ADAMTS13: variants seen among roughly 807,000 people sequenced by gnomAD.
The protein encoded by ADAMTS13 is ADAM metallopeptidase with thrombospondin type 1 motif 13.
Under a neutral mutation model 155.1 loss-of-function variants are expected in ADAMTS13, and 110 were observed. That is an observed-to-expected ratio of 0.71 (90% CI 0.61 to 0.83). The LOEUF is 0.83. Among genes scored for constraint, ADAMTS13 ranks in the 40% least tolerant of loss-of-function variants. The pLI is 0.00. For missense variants in ADAMTS13, 1,707 were observed against 1,891.7 expected, an observed-to-expected ratio of 0.90 and a Z score of 1.81; for synonymous variants, 758 against 756.4, an observed-to-expected ratio of 1.00 and a Z score of -0.03.
At chr9:133,443,343 G>A in intron 18 of ADAMTS13, 33 bp from the exon 19 acceptor site, 1 of 1,573,632 alleles carries the variant, frequency 6.4e-7, no homozygotes, top group African/African-American at 1.3e-5. Context: ...CTGGGACCTG[G>A]CCAGGGTCCC....
chr9:133,442,278 G>A, intron 16 of ADAMTS13, 121 bp from the exon 17 acceptor site: 1 of 1,510,188 alleles, frequency 6.6e-7, no homozygotes, highest in South Asian at 1.1e-5. Context: ...GCCAGTGATT[G>A]CTTGCTGAAC....
rs917500683 is a variant in ADAMTS13 at position 133,428,811 on chromosome 9, C to G, written c.824+40C>G. On this transcript the variant is annotated intron_variant, in intron 7 of 28. Coordinates refer to ENST00000355699, the MANE Select transcript of ADAMTS13 (RefSeq NM_139027.6). ...GTGGGAGGGGCGCGCGAGCCTCCAG[C>G]CAGCCCGCTGGGCCGCCAGCGCCAC... 3.2e-5 allele frequency: 40 copies of G among 1,257,634 alleles called. No individual in the cohort carries two copies. The East Asian group carries it at 1.2e-3, about 38-fold the overall frequency. 77.9% of individuals were successfully genotyped at this position (1,257,634 alleles called of 1,614,324 possible).
At chr9:133,423,845 C>T (rs979176546) in intron 2 of ADAMTS13, among the ~76,000 whole-genome samples, 1 of 152,262 alleles carries the variant, frequency 6.6e-6, no homozygotes, top group Non-Finnish European at 1.5e-5. Context: ...GTCCTTCCAG[C>T]GCTGCCGCTC....
upstream of ADAMTS13, chr9:133,418,048 T>C: frequency 1.7e-6 from 1 of 583,072 alleles, no homozygotes; most frequent in Non-Finnish European, 3.0e-6. Context: ...GAAGCGCTCG[T>C]CTCTCCACAA....
At chr9:133,450,433 TG>T (rs995792427) in intron 23 of ADAMTS13, among the ~76,000 whole-genome samples, 6 of 151,988 alleles carry the variant, frequency 3.9e-5, no homozygotes, top group African/African-American at 1.4e-4. Context: ...CCGGGTGTGG[TG>T]GTACATGCCT....
In ADAMTS13 at chr9:133,456,648, G is replaced by A. The variant is rs782467873; in HGVS notation, c.3653G>A (p.Arg1218His). 6.2e-6 allele frequency: 10 copies of A among 1,605,604 alleles called. No individual in the cohort carries two copies. The highest frequency in any genetic ancestry group is 3.3e-5 in the South Asian group (3 of 89,690). The change falls in exon 27 of 29, where the codon CGC (arginine) becomes CAC (histidine). Residue 1218 changes from arginine to histidine, a missense_variant. Around this residue, in one of 3 missense-constraint regions of ADAMTS13, gnomAD observed 961 missense variants for 1,107.9 expected, o/e 0.87. Coordinates refer to ENST00000355699, the MANE Select transcript of ADAMTS13 (RefSeq NM_139027.6). The surrounding 1 kb of genome is among the most constrained non-coding windows in gnomAD (Gnocchi z 4.4). ...ACCAACACGCTGGTGGTGAGGCAGCGCTGCGGGCGGCCAGGAGGTGGGGTG... is the reference window on the plus strand; with the variant it reads ...ACCAACACGCTGGTGGTGAGGCAGCACTGCGGGCGGCCAGGAGGTGGGGTG... ...SKTNTLVVRQ[R>H]CGRPGGGVLL...
rs782483941 is a variant in ADAMTS13, at chr9:133,424,445, C to G, written c.297C>G (p.Asp99Glu). ...ATGTCTTCCAGGCTCACCAGGAGGA[C>G]ACAGAGCGCTATGTGCTCACCAACC... ...GPDVFQAHQE[D>E]TERYVLTNLN... Residue 99 changes from aspartate to glutamate, a missense_variant, in exon 3 of 29, where the codon GAC (aspartate) becomes GAG (glutamate). Asp to Glu is a conservative substitution (Grantham distance 45). This residue lies in a region of ADAMTS13 where 733 missense variants were observed against 749.6 expected (regional missense o/e 0.98). Transcript: ENST00000355699. This position sits in a 1 kb window ranked among gnomAD's most constrained non-coding sequence, Gnocchi z 4.3. The G allele has an allele frequency of 6.2e-7, 1 of 1,613,878 alleles. No homozygotes were observed. Among genetic ancestry groups the G allele is most frequent in the South Asian group, 1.1e-5 (1 of 91,076 alleles).
upstream of ADAMTS13, chr9:133,417,822 G>T: frequency 6.2e-7 from 1 of 1,603,302 alleles, no homozygotes; most frequent in Non-Finnish European, 8.5e-7. Context: ...GCGCTTGGAG[G>T]CGGGGACCTT....
intron 8 of ADAMTS13, among the ~76,000 whole-genome samples, chr9:133,432,099 G>T (rs2130817655): frequency 6.6e-6 from 1 of 152,180 alleles, no homozygotes; most frequent in East Asian, 1.9e-4. Flanking sequence ...TGCCATCTGT[G>T]CTAAAAATAC....
chr9:133,441,846 C>T lies in ADAMTS13; in HGVS notation c.1969-553C>T, dbSNP rs1176842170. On this transcript the variant is annotated intron_variant, in intron 16 of 28. Coordinates refer to ENST00000355699, the MANE Select transcript of ADAMTS13 (RefSeq NM_139027.6). This position sits in a 1 kb window ranked among gnomAD's most constrained non-coding sequence, Gnocchi z 5.0. ...CTCCAGAAGCACTTTCTGTGCTGGC[C>T]CTGCCCTAGCCCTTCTTGGGCTCCT... Among the ~76,000 whole-genome samples, 1 of 152,220 alleles carries T rather than the reference C, an allele frequency of 6.6e-6. No homozygotes were observed. Among genetic ancestry groups the T allele is most frequent in the Non-Finnish European group, 1.5e-5 (1 of 68,042 alleles).
chr9:133,446,517 T>C (rs1160829447), intron 21 of ADAMTS13, among the ~76,000 whole-genome samples: 2 of 152,262 alleles, frequency 1.3e-5, no homozygotes, highest in South Asian at 2.1e-4. Flanking sequence ...TGTTTCCTTC[T>C]TAAGGCTGAA....
At chr9:133,431,314 G>A (rs982409701) in intron 8 of ADAMTS13, among the ~76,000 whole-genome samples, 4 of 148,090 alleles carry the variant, frequency 2.7e-5, no homozygotes, top group African/African-American at 1.0e-4. Flanking sequence ...TTTTGACCTG[G>A]AAGTTCATTT....
Position 133,440,435 on chromosome 9 carries a change from C to A in ADAMTS13, c.1878C>A (p.Val626=). The A allele has an allele frequency of 6.2e-7, 1 of 1,613,784 alleles. No individual in the cohort carries two copies. Among genetic ancestry groups the A allele is most frequent in the Non-Finnish European group, 8.5e-7 (1 of 1,179,980 alleles). Residue 626 remains valine (V), a synonymous_variant, in exon 16 of 29, where the codon GTC becomes GTA. Transcript: ENST00000355699. This position sits in a 1 kb window ranked among gnomAD's most constrained non-coding sequence, Gnocchi z 4.3. The part of the protein sequence containing the change: ...TYPSLLEDGR[V]EYRVALTEDR... ...CCTCCCTCCTGGAGGATGGTCGTGT[C>A]GAGTACAGAGTGGCCCTCACCGAGG...
chr9:133,456,047 C>T lies in ADAMTS13; in HGVS notation c.3401-22C>T. Reference sequence around the variant, plus strand: ...TGGGAATCGGGGAAGCACTGCTTACCTGTCTCCTGCTCCCTTTTCAGGTGC... The same window carrying T: ...TGGGAATCGGGGAAGCACTGCTTACTTGTCTCCTGCTCCCTTTTCAGGTGC... On this transcript the variant is annotated intron_variant, in intron 25 of 28. Transcript: ENST00000355699. The surrounding 1 kb of genome is among the most constrained non-coding windows in gnomAD (Gnocchi z 4.4). 6.2e-7 allele frequency: 1 copy of T among 1,613,134 alleles called. No individual in the cohort carries two copies. The highest frequency in any genetic ancestry group is 1.3e-5 in the African/African-American group (1 of 75,074).
intron 21 of ADAMTS13, among the ~76,000 whole-genome samples, chr9:133,447,454 G>T (rs1430473617): frequency 6.6e-6 from 1 of 152,080 alleles, no homozygotes; most frequent in African/African-American, 2.4e-5. Context: ...TGTAGTTTTG[G>T]CAGAGATGGG....
rs781951132 is a variant in ADAMTS13 at position 133,426,357 on chromosome 9, C to T, written c.686+12C>T. Reference sequence around the variant, plus strand: ...GAGATTGGGCACAGGTATGTAGCCCCACCAGCTGTCCCCAGGATCTGGCAA... The same window carrying T: ...GAGATTGGGCACAGGTATGTAGCCCTACCAGCTGTCCCCAGGATCTGGCAA... On this transcript the variant is annotated intron_variant, in intron 6 of 28. Coordinates refer to ENST00000355699, the MANE Select transcript of ADAMTS13 (RefSeq NM_139027.6). 3 of 1,599,416 alleles carry T rather than the reference C, an allele frequency of 1.9e-6. No individual in the cohort carries two copies. The highest frequency in any genetic ancestry group is 2.5e-6 in the Non-Finnish European group (3 of 1,179,918).
At chr9:133,458,233 C>T (rs1272202824) in intron 28 of ADAMTS13, 139 bp downstream of exon 28, 2 of 1,047,958 alleles carry the variant, frequency 1.9e-6, no homozygotes, top group African/African-American at 1.6e-5. Context: ...AGATAGCTTC[C>T]TCCACATATT....
chr9:133,450,042 A>G lies in ADAMTS13; in HGVS notation c.3044+77A>G, dbSNP rs992354825. 19 of 1,494,650 alleles carry G rather than the reference A, an allele frequency of 1.3e-5. No individual in the cohort carries two copies. In the Admixed American group the frequency reaches 2.4e-4, roughly 19 times the overall value. The allele number at this position is 1,494,650 out of a possible 1,614,324, so 92.6% of individuals were successfully genotyped here. On this transcript the variant is annotated intron_variant, in intron 23 of 28. Coordinates refer to ENST00000355699, the MANE Select transcript of ADAMTS13 (RefSeq NM_139027.6). ...GCCAGGCGCTGTGGTGTGTGCCTGT[A>G]ATCGCAGCTACTTGGAAAGCTGAAT...
At chr9:133,452,615 A>G (rs1842500033) in intron 23 of ADAMTS13, among the ~76,000 whole-genome samples, 1 of 151,744 alleles carries the variant, frequency 6.6e-6, no homozygotes. Context: ...CACCTCCCAC[A>G]CCTAGCACAG....
Sources: gnomAD v4.1 joint callset for allele counts (sites outside exome capture counted in the v4.1 genomes callset) on GRCh38, gnomAD v4.1.1 for gene constraint, gnomAD v4.1.1 regional missense constraint, Gnocchi (gnomAD v3.1) non-coding constraint, MANE v1.5 for transcripts, NCBI Gene and HGNC (gene_info 2026-07-23, HGNC 2026-07-21) for gene names.